Variants in DCC observed in about 807,000 individuals in gnomAD.
The protein encoded by DCC is netrin receptor DCC.
In DCC, 58 loss-of-function variants were observed where a neutral mutation model predicts 172.5. The ratio of observed to expected loss-of-function variants is 0.34; its 90% confidence interval spans 0.27 to 0.42. DCC has a LOEUF of 0.42. Among genes scored for constraint, DCC ranks in the 10% least tolerant of loss-of-function variants. The pLI is 1.00. For missense variants in DCC, 1,740 were observed against 1,791.0 expected, an observed-to-expected ratio of 0.97 and a Z score of 0.51; for synonymous variants, 709 against 644.5, an observed-to-expected ratio of 1.10 and a Z score of -1.52.
At chr18:53,001,299 T>C (rs537415909) in intron 5 of DCC, among the ~76,000 whole-genome samples, 2 of 152,246 alleles carry the variant, frequency 1.3e-5, no homozygotes, top group South Asian at 4.1e-4. Context: ...CTAAAAGTGC[T>C]TTATGTCTAG....
chr18:53,116,214 A>T (rs959585082), intron 7 of DCC, among the ~76,000 whole-genome samples: 2 of 151,736 alleles, frequency 1.3e-5, no homozygotes, highest in Non-Finnish European at 3.0e-5. Flanking sequence ...AAAGGCACAA[A>T]GGGATTTCTT....
At chr18:53,383,886 C>T (rs952889285) in intron 15 of DCC, among the ~76,000 whole-genome samples, 1 of 152,000 alleles carries the variant, frequency 6.6e-6, no homozygotes, top group Admixed American at 6.5e-5. Flanking sequence ...TGCTTTATTC[C>T]ATATTACATT....
At chr18:52,690,676 G>T (rs757333259) in intron 1 of DCC, among the ~76,000 whole-genome samples, 1 of 152,112 alleles carries the variant, frequency 6.6e-6, no homozygotes, top group Non-Finnish European at 1.5e-5. Flanking sequence ...GGTTCAGAGA[G>T]ACCAAGTGGC....
Position 52,459,916 on chromosome 18 carries a change from C to CAT in DCC, c.91+119039_91+119040insTA, listed in dbSNP as rs1458061603. Among the ~76,000 whole-genome samples the CAT allele has an allele frequency of 2.7e-4, 41 of 151,592 alleles. No homozygotes were observed. The East Asian group carries it at 7.4e-3, about 27-fold the overall frequency. On this transcript the variant is annotated intron_variant, in intron 1 of 28. Transcript: ENST00000442544. ...ATATATATACACACATATATATACA[C>CAT]ACATATATATATACACACCACATTT...
intron 7 of DCC, among the ~76,000 whole-genome samples, chr18:53,080,276 A>T (rs1436031360): frequency 6.6e-6 from 1 of 152,114 alleles, no homozygotes; most frequent in East Asian, 1.9e-4. Flanking sequence ...TGGTAAAGCC[A>T]TCACTTAAGA....
At chr18:53,357,959 A>G (rs981235089) in intron 15 of DCC, among the ~76,000 whole-genome samples, 7 of 152,192 alleles carry the variant, frequency 4.6e-5, no homozygotes, top group African/African-American at 7.2e-5. Flanking sequence ...TCTTAAGCTA[A>G]TAACAGTAAT....
chr18:53,146,613 A>G (rs982855456), intron 7 of DCC, among the ~76,000 whole-genome samples: 3 of 152,218 alleles, frequency 2.0e-5, no homozygotes. Flanking sequence ...CACTCAATTC[A>G]TAGAAAGCCT....
intron 12 of DCC, among the ~76,000 whole-genome samples, chr18:53,267,702 G>A (rs1050493489): frequency 2.0e-5 from 3 of 152,070 alleles, no homozygotes; most frequent in African/African-American, 7.2e-5. Flanking sequence ...CTGGGCTCAA[G>A]CAATCCTCCT....
At chr18:52,745,758 A>G (rs1482983254) in intron 1 of DCC, among the ~76,000 whole-genome samples, 1 of 152,170 alleles carries the variant, frequency 6.6e-6, no homozygotes, top group Non-Finnish European at 1.5e-5. Flanking sequence ...TAAGGGGTGT[A>G]ATTTTGTATT....
intron 1 of DCC, among the ~76,000 whole-genome samples, chr18:52,651,233 G>A (rs900362392): frequency 9.9e-5 from 15 of 152,184 alleles, no homozygotes; most frequent in Non-Finnish European, 2.2e-4. Context: ...TACAAACATG[G>A]CTCACTGCAG....
Position 53,459,532 on chromosome 18 carries a change from GA to G in DCC, c.3619+77del. ...AAGGGAGTTTTTCACTCCTTTTATG[GA>G]AATGTCTTCCCTACTAATTTGCATG... On this transcript the variant is annotated intron_variant, in intron 24 of 28. Coordinates refer to ENST00000442544, the MANE Select transcript of DCC (RefSeq NM_005215.4). 4.4e-6 allele frequency: 4 copies of G among 918,324 alleles called. No homozygotes were observed. The South Asian group carries it at 5.2e-5, about 12-fold the overall frequency. 56.9% of individuals were successfully genotyped at this position (918,324 alleles called of 1,614,324 possible). A position where few individuals can be genotyped will look rare whatever the true frequency, so the allele number is the denominator to read the frequency against.
In DCC at chr18:53,530,654, C is replaced by T. The variant is rs1185846723; in HGVS notation, c.*1C>T. ...TGCCATCACAGGCTCAGCCTTTTAA[C>T]ATGTATTTCTGAATGGATGAGGTGA... On this transcript the variant is annotated 3_prime_UTR_variant, in exon 29 of 29. Coordinates refer to ENST00000442544, the MANE Select transcript of DCC (RefSeq NM_005215.4). The T allele has an allele frequency of 9.1e-6, 14 of 1,544,972 alleles. No homozygotes were observed. Among genetic ancestry groups the T allele is most frequent in the Non-Finnish European group, 1.3e-5 (14 of 1,116,890 alleles).
chr18:52,448,949 A>G (rs1988215761), intron 1 of DCC, among the ~76,000 whole-genome samples: 1 of 152,238 alleles, frequency 6.6e-6, no homozygotes, highest in African/African-American at 2.4e-5. Flanking sequence ...AGCTTTTATT[A>G]GTTCATTCTC....
intron 2 of DCC, among the ~76,000 whole-genome samples, chr18:52,899,477 C>A (rs1470670206): frequency 6.6e-6 from 1 of 150,840 alleles, no homozygotes; most frequent in Non-Finnish European, 1.5e-5. Context: ...CCTCAGCCTC[C>A]CAAGTAGCTG....
At chr18:52,371,091 T>G (rs561625542) in intron 1 of DCC, among the ~76,000 whole-genome samples, 1 of 152,324 alleles carries the variant, frequency 6.6e-6, no homozygotes, top group Non-Finnish European at 1.5e-5. Context: ...TCTCCCTGGA[T>G]GTCATCTTGT....
At chr18:53,374,892 T>C (rs542595779) in intron 15 of DCC, among the ~76,000 whole-genome samples, 1 of 152,328 alleles carries the variant, frequency 6.6e-6, no homozygotes, top group South Asian at 2.1e-4. Context: ...TGGTAAAGCC[T>C]CCAGATTATT....
rs1301707942 is a variant in DCC, at chr18:53,486,847, G to C, written c.3787G>C (p.Gly1263Arg). ...AACGCTAGAAAGTGCCCAGTACCCA[G>C]GAATCCTCCCGTCTCCCACCTGTGG... ...VPTLESAQYP[G>R]ILPSPTCGYP... Residue 1263 changes from glycine to arginine, a missense_variant, in exon 26 of 29, where the codon GGA (glycine) becomes CGA (arginine). This residue lies in a region of DCC where 1,732 missense variants were observed against 1,767.4 expected (regional missense o/e 0.98). Transcript: ENST00000442544. The C allele has an allele frequency of 1.9e-6, 3 of 1,614,134 alleles. No homozygotes were observed. In the South Asian group the frequency reaches 3.3e-5, roughly 18 times the overall value.
At chr18:53,267,747 T>C (rs2056699141) in intron 12 of DCC, among the ~76,000 whole-genome samples, 2 of 152,188 alleles carry the variant, frequency 1.3e-5, no homozygotes, top group Admixed American at 1.3e-4. Context: ...ATTAAAGGTG[T>C]AAGCCAATGT....
intron 15 of DCC, among the ~76,000 whole-genome samples, 166 bp downstream of exon 15, chr18:53,340,073 C>T (rs2057639794): frequency 8.0e-6 from 1 of 125,618 alleles, no homozygotes; most frequent in Non-Finnish European, 1.8e-5. Context: ...CACACACACA[C>T]ACATACACAC....
Sources: gnomAD v4.1 joint callset for allele counts (sites outside exome capture counted in the v4.1 genomes callset) on GRCh38, gnomAD v4.1.1 for gene constraint, gnomAD v4.1.1 regional missense constraint, MANE v1.5 for transcripts, NCBI Gene and HGNC (gene_info 2026-07-23, HGNC 2026-07-21) for gene names.